Variants in PAPPA2 observed in about 807,000 individuals in gnomAD.
PAPPA2 encodes pappalysin-2.
Under a neutral mutation model 176.4 loss-of-function variants are expected in PAPPA2, and 86 were observed. The ratio of observed to expected loss-of-function variants is 0.49; its 90% CI spans 0.41 to 0.58. The LOEUF (loss-of-function observed/expected upper bound fraction) is 0.58, where lower values mean the gene tolerates loss of function less well. Ranked by LOEUF, PAPPA2 falls within the 20% of genes least tolerant of loss-of-function variation. The pLI is 0.00. For missense variants in PAPPA2, 2,073 were observed against 2,256.9 expected (o/e 0.92, Z 1.65); for synonymous variants, 809 against 852.2 (o/e 0.95, Z 0.88).
At chr1:176,627,816 A>G (rs1470722282) in intron 3 of PAPPA2, among the ~76,000 whole-genome samples, 1 of 152,136 alleles carries the variant, frequency 6.6e-6, no homozygotes, top group Non-Finnish European at 1.5e-5. Context: ...AGAGTGTAAG[A>G]GTCCATGGAG....
At chr1:176,558,977 TG>T (rs1651499199) in intron 2 of PAPPA2, among the ~76,000 whole-genome samples, 1 of 152,228 alleles carries the variant, frequency 6.6e-6, no homozygotes, top group Non-Finnish European at 1.5e-5. Flanking sequence ...ACCCCTGTCC[TG>T]TCCCTCCTGT....
intron 3 of PAPPA2, among the ~76,000 whole-genome samples, chr1:176,638,851 G>T (rs1656884907): frequency 6.6e-6 from 1 of 151,738 alleles, no homozygotes; most frequent in African/African-American, 2.4e-5. Flanking sequence ...GGAGCAGAGG[G>T]CCCTGATCTG....
intron 17 of PAPPA2, among the ~76,000 whole-genome samples, chr1:176,782,382 C>A (rs1184176210): frequency 6.6e-6 from 1 of 151,878 alleles, no homozygotes; most frequent in Admixed American, 6.6e-5. Flanking sequence ...CAAGTAAAAC[C>A]AATACACAAA....
intron 1 of PAPPA2, among the ~76,000 whole-genome samples, chr1:176,478,332 TAGAC>T (rs1289396022): frequency 6.6e-6 from 1 of 152,270 alleles, no homozygotes; most frequent in Admixed American, 6.5e-5. Flanking sequence ...GCTAAGATCA[TAGAC>T]TCAGAAGGAG....
At position 176,800,102 on chromosome 1, in the gene PAPPA2, C is replaced by T. The variant is rs369131584; in HGVS notation, c.5172C>T (p.Pro1724=). Residue 1724 remains proline (P), a synonymous_variant, in exon 21 of 23, where the codon CCC becomes CCT. Coordinates refer to ENST00000367662, the MANE Select transcript of PAPPA2 (RefSeq NM_020318.3). ...GCCGGCGTCAATGGCACCCAGACCC[C>T]GTCTTAGTCCACTGCATCCAGTCAT... ...CTGRRQWHPD[P]VLVHCIQSCE... The T allele has an allele frequency of 5.0e-5, 81 of 1,614,070 alleles. No homozygotes were observed. In the African/African-American group the frequency reaches 6.7e-4, roughly 13 times the overall value.
intron 17 of PAPPA2, among the ~76,000 whole-genome samples, chr1:176,783,312 A>G (rs539391682): frequency 2.6e-5 from 4 of 152,236 alleles, no homozygotes; most frequent in Admixed American, 6.5e-5. Context: ...CAGCAAAGAC[A>G]TGATAATTCT....
chr1:176,580,710 T>C (rs1027086901), intron 2 of PAPPA2, among the ~76,000 whole-genome samples: 4 of 152,194 alleles, frequency 2.6e-5, no homozygotes, highest in African/African-American at 9.6e-5. Context: ...GTGATTTTGA[T>C]AGGCATTTCC....
At chr1:176,764,062 C>T (rs1663818336) in intron 14 of PAPPA2, among the ~76,000 whole-genome samples, 1 of 152,180 alleles carries the variant, frequency 6.6e-6, no homozygotes. Context: ...GACTTTATAA[C>T]AATCCACTCT....
At chr1:176,552,307 A>C (rs1573029267) in intron 1 of PAPPA2, among the ~76,000 whole-genome samples, 11 of 131,980 alleles carry the variant, frequency 8.3e-5, no homozygotes, top group South Asian at 2.5e-4. Flanking sequence ...CTTCCATTTT[A>C]CCCTCTCCTC....
At chr1:176,564,971 C>T (rs1007567709) in intron 2 of PAPPA2, among the ~76,000 whole-genome samples, 5 of 152,102 alleles carry the variant, frequency 3.3e-5, no homozygotes, top group Non-Finnish European at 7.4e-5. Context: ...CCATAGCCAT[C>T]AGCAACCTAC....
intron 2 of PAPPA2, among the ~76,000 whole-genome samples, chr1:176,559,351 C>A (rs978230145): frequency 6.6e-6 from 1 of 152,172 alleles, no homozygotes; most frequent in Non-Finnish European, 1.5e-5. Context: ...TATCTCATCT[C>A]CACTTACCAC....
intron 12 of PAPPA2, among the ~76,000 whole-genome samples, chr1:176,735,624 C>A (rs527379743): frequency 6.6e-6 from 1 of 152,134 alleles, no homozygotes; most frequent in African/African-American, 2.4e-5. Flanking sequence ...TAACATGCAG[C>A]CTTTGGATGA....
At chr1:176,597,436 A>G (rs2102654524) in intron 3 of PAPPA2, among the ~76,000 whole-genome samples, 1 of 152,324 alleles carries the variant, frequency 6.6e-6, no homozygotes, top group South Asian at 2.1e-4. Flanking sequence ...AAAGAGAGCT[A>G]ATCAAATTAT....
chr1:176,536,806 CAGGAAAG>C (rs1342942602), intron 1 of PAPPA2, among the ~76,000 whole-genome samples: 1 of 152,134 alleles, frequency 6.6e-6, no homozygotes, highest in Non-Finnish European at 1.5e-5. Context: ...AAGTCCAATC[CAGGAAAG>C]AGTAAAGAAT....
chr1:176,733,254 A>G (rs529007796), intron 12 of PAPPA2, among the ~76,000 whole-genome samples: 2 of 152,302 alleles, frequency 1.3e-5, no homozygotes, highest in African/African-American at 2.4e-5. Context: ...AGTTATTTCT[A>G]TATCCATGAT....
intron 14 of PAPPA2, among the ~76,000 whole-genome samples, chr1:176,740,963 G>C (rs1232894124): frequency 6.6e-6 from 1 of 152,076 alleles, no homozygotes; most frequent in Non-Finnish European, 1.5e-5. Context: ...AAAAGCTGGG[G>C]TTCCAAGAAG....
intron 2 of PAPPA2, among the ~76,000 whole-genome samples, chr1:176,562,299 T>TACA (rs1651721128): frequency 6.6e-6 from 1 of 152,210 alleles, no homozygotes; most frequent in Non-Finnish European, 1.5e-5. Flanking sequence ...GGGAGGTTTG[T>TACA]ACTCAAGGTG....
intron 12 of PAPPA2, among the ~76,000 whole-genome samples, chr1:176,725,781 T>A (rs1661840287): frequency 1.3e-5 from 2 of 151,936 alleles, no homozygotes; most frequent in South Asian, 4.2e-4. Context: ...TATGTCAGAG[T>A]TTTCTTTTCT....
intron 12 of PAPPA2, among the ~76,000 whole-genome samples, chr1:176,716,825 A>G (rs1399338478): frequency 6.6e-6 from 1 of 150,832 alleles, no homozygotes; most frequent in Non-Finnish European, 1.5e-5. Context: ...GTTAGCCAGG[A>G]TGGTCTCGAT....
Sources: gnomAD v4.1 joint callset for allele counts (sites outside exome capture counted in the v4.1 genomes callset) on GRCh38, gnomAD v4.1.1 for gene constraint, MANE v1.5 for transcripts, NCBI Gene and HGNC (gene_info 2026-07-23, HGNC 2026-07-21) for gene names.